The following NTPCR variants were observed in gnomAD, a reference collection of about 807,000 sequenced individuals.
The protein encoded by NTPCR is cancer-related nucleoside-triphosphatase.
NTPCR carries 15 observed loss-of-function variants against 19.5 expected under a neutral mutation model. The ratio of observed to expected loss-of-function variants is 0.77; its 90% confidence interval spans 0.51 to 1.18. The LOEUF is 1.18. Ranked by LOEUF, NTPCR falls within the 50% of genes most tolerant of loss-of-function variation. The pLI is 0.00. For synonymous variants in NTPCR, 90 were observed against 95.8 expected (o/e 0.94, Z 0.36); for missense variants, 206 against 240.4 (o/e 0.86, Z 0.95).
intron 4 of NTPCR, among the ~76,000 whole-genome samples, chr1:232,972,420 C>A (rs1669010071): frequency 6.9e-6 from 1 of 145,622 alleles, no homozygotes; most frequent in Non-Finnish European, 1.5e-5. Flanking sequence ...TTTTATAAAT[C>A]AAGAACCTCA....
At chr1:232,958,240 C>T (rs1181306928) in intron 3 of NTPCR, among the ~76,000 whole-genome samples, 2 of 152,236 alleles carry the variant, frequency 1.3e-5, no homozygotes, top group Non-Finnish European at 2.9e-5. Context: ...CAAAGTCCTT[C>T]CAGTGGCCTA....
chr1:232,964,078 G>A (rs1668745065), intron 3 of NTPCR: 1 of 152,062 alleles, frequency 6.6e-6, no homozygotes, highest in Admixed American at 6.6e-5. Context: ...TTCATCAGTT[G>A]ACAATATTCT....
intron 3 of NTPCR, chr1:232,969,187 GT>G (rs976177168): frequency 6.6e-6 from 1 of 152,280 alleles, no homozygotes; most frequent in African/African-American, 2.4e-5. Context: ...CCTCTTGGCT[GT>G]TGGCATGAGG....
intron 4 of NTPCR, among the ~76,000 whole-genome samples, chr1:232,975,148 A>G (rs980933722): frequency 7.2e-5 from 11 of 152,198 alleles, no homozygotes; most frequent in African/African-American, 2.7e-4. Flanking sequence ...CCTCTTGTTT[A>G]GACCTTGGGG....
At chr1:232,968,437 C>T (rs1041884796) in intron 3 of NTPCR, 3 of 152,230 alleles carry the variant, frequency 2.0e-5, no homozygotes, top group South Asian at 2.1e-4. Context: ...ACTATCTTAT[C>T]TTGTCTATTC....
intron 4 of NTPCR, among the ~76,000 whole-genome samples, chr1:232,975,829 C>T (rs775420098): frequency 5.3e-5 from 8 of 152,208 alleles, no homozygotes; most frequent in African/African-American, 1.7e-4. Flanking sequence ...TTTTCCTGCT[C>T]CCAGCTCCCA....
chr1:232,953,597 C>G (rs1028385931), intron 1 of NTPCR, among the ~76,000 whole-genome samples: 7 of 146,710 alleles, frequency 4.8e-5, no homozygotes, highest in Non-Finnish European at 1.5e-5. Flanking sequence ...AAGACCCATT[C>G]AGTATAAGAA....
At chr1:232,972,631 G>T (rs1022226042) in intron 4 of NTPCR, among the ~76,000 whole-genome samples, 1 of 151,358 alleles carries the variant, frequency 6.6e-6, no homozygotes, top group Non-Finnish European at 1.5e-5. Flanking sequence ...TCACCATGTT[G>T]CCCGGGGTTG....
chr1:232,953,245 T>C (rs777460197), intron 1 of NTPCR, among the ~76,000 whole-genome samples: 7 of 152,170 alleles, frequency 4.6e-5, no homozygotes, highest in Non-Finnish European at 8.8e-5. Flanking sequence ...TCTGAGGATC[T>C]GCTTAGGGGA....
At chr1:232,970,803 C>T (rs1239522713) in intron 4 of NTPCR, among the ~76,000 whole-genome samples, 16 of 152,200 alleles carry the variant, frequency 1.1e-4, no homozygotes, top group Admixed American at 9.2e-4. Context: ...GCTCTGTGGT[C>T]TCGTGTGGCT....
chr1:232,951,813 G>C (rs911038089), intron 1 of NTPCR, among the ~76,000 whole-genome samples: 3 of 152,188 alleles, frequency 2.0e-5, no homozygotes, highest in African/African-American at 7.2e-5. Flanking sequence ...AGAAATGCCT[G>C]CTATCTAAAG....
At chr1:232,978,071 C>A (rs991600907) in intron 4 of NTPCR, 92 bp from the exon 5 acceptor site, 1 of 1,076,302 alleles carries the variant, frequency 9.3e-7, no homozygotes, top group Non-Finnish European at 1.4e-6. Context: ...CCTCTCCCAG[C>A]CTTCCAGGCG....
At position 232,983,102 on chromosome 1, in the gene NTPCR, A is replaced by G. The variant is rs1005848258; in HGVS notation, c.*4871A>G. The G allele has an allele frequency of 1.3e-5, 2 of 152,142 alleles. No individual in the cohort carries two copies. The highest frequency in any genetic ancestry group is 4.8e-5 in the African/African-American group (2 of 41,422). 9.4% of individuals were successfully genotyped at this position (152,142 alleles called of 1,614,324 possible). A position where few individuals can be genotyped will look rare whatever the true frequency, so the allele number is the denominator to read the frequency against. On this transcript the variant is annotated 3_prime_UTR_variant, in exon 5 of 5. Transcript: ENST00000366628. ...AAAAATTAGAAAAGCATTACCATTT[A>G]CTTTCCAAGGGGCAAGAGATTCTCT... is the stretch of plus-strand genomic sequence containing the variant.
chr1:232,976,009 A>G (rs1480125477), intron 4 of NTPCR, among the ~76,000 whole-genome samples: 1 of 152,246 alleles, frequency 6.6e-6, no homozygotes, highest in Non-Finnish European at 1.5e-5. Flanking sequence ...AGGGAATATC[A>G]TAAGTGAATA....
At chr1:232,969,111 A>G (rs1668903044) in intron 3 of NTPCR, 2 of 152,344 alleles carry the variant, frequency 1.3e-5, no homozygotes, top group South Asian at 2.1e-4. Context: ...GGCTGTGGTC[A>G]TCTGAGGCTT....
chr1:232,972,560 G>T (rs1203927169), intron 4 of NTPCR, among the ~76,000 whole-genome samples: 1 of 152,084 alleles, frequency 6.6e-6, no homozygotes, highest in Middle Eastern at 3.2e-3. Context: ...CAAAAAGCTG[G>T]GACTACAGGC....
Position 232,966,511 on chromosome 1 carries a change from A to AT in NTPCR, c.295-3393dup, listed in dbSNP as rs1408868224. On this transcript the variant is annotated intron_variant, in intron 3 of 4. Transcript: ENST00000366628. Reference sequence around the variant, plus strand: ...TATTTTATATTTATATGTTCTTTGTATTTTTAAAAGTACATATAAAAATAA... The same window carrying AT: ...TATTTTATATTTATATGTTCTTTGTATTTTTTAAAAGTACATATAAAAATAA... 5.3e-5 allele frequency: 8 copies of AT among 152,202 alleles called. No individual in the cohort carries two copies. In the South Asian group the frequency reaches 1.2e-3, roughly 24 times the overall value. 9.4% of individuals were successfully genotyped at this position (152,202 alleles called of 1,614,324 possible).
rs1669268755 is a variant in NTPCR at position 232,981,042 on chromosome 1, A to G, written c.*2811A>G. 1 of 152,236 alleles carries G rather than the reference A, an allele frequency of 6.6e-6. No individual in the cohort carries two copies. The highest frequency in any genetic ancestry group is 1.5e-5 in the Non-Finnish European group (1 of 68,044). 9.4% of individuals were successfully genotyped at this position (152,236 alleles called of 1,614,324 possible). ...TATGAAGAATCTCAGCTAGAATAACAAGGTCGGATGGGAGGAATCAGGACT... is the reference window on the plus strand; with the variant it reads ...TATGAAGAATCTCAGCTAGAATAACGAGGTCGGATGGGAGGAATCAGGACT... On this transcript the variant is annotated 3_prime_UTR_variant, in exon 5 of 5. Coordinates refer to ENST00000366628, the MANE Select transcript of NTPCR (RefSeq NM_032324.3).
Position 232,982,146 on chromosome 1 carries a change from AG to A in NTPCR, c.*3917del, listed in dbSNP as rs1457245730. On this transcript the variant is annotated 3_prime_UTR_variant, in exon 5 of 5. Transcript: ENST00000366628. ...GGGGGCTTAGAATATAACATTTTGC[AG>A]GAAGTCCTTTCTGATACATAGCTGA... The A allele has an allele frequency of 6.6e-6, 1 of 152,252 alleles. No homozygotes were observed. Among genetic ancestry groups the A allele is most frequent in the Admixed American group, 6.5e-5 (1 of 15,286 alleles). 9.4% of individuals were successfully genotyped at this position (152,252 alleles called of 1,614,324 possible). A position where few individuals can be genotyped will look rare whatever the true frequency, so the allele number is the denominator to read the frequency against.
Sources: allele counts gnomAD v4.1 joint callset (sites outside exome capture counted in the v4.1 genomes callset), GRCh38; gene constraint gnomAD v4.1.1; transcripts MANE v1.5; gene names NCBI Gene and HGNC (gene_info 2026-07-23, HGNC 2026-07-21).